DCLK2: variants seen among roughly 807,000 people sequenced by gnomAD.
DCLK2 encodes the protein doublecortin like kinase 2.
A neutral mutation model predicts 78.4 loss-of-function variants in DCLK2; 31 were observed. The ratio of observed to expected loss-of-function variants is 0.40; its 90% CI spans 0.30 to 0.53. The LOEUF is 0.53. Ranked by LOEUF, DCLK2 falls within the 20% of genes least tolerant of loss-of-function variation. DCLK2 has a pLI of 0.61. For synonymous variants in DCLK2, 407 were observed against 374.9 expected (o/e 1.09, Z -0.99); for missense variants, 872 against 973.7 (o/e 0.90, Z 1.39).
intron 2 of DCLK2, among the ~76,000 whole-genome samples, chr4:150,106,879 A>G (rs1389897875): frequency 6.6e-6 from 1 of 152,212 alleles, no homozygotes; most frequent in Admixed American, 6.5e-5. Context: ...AACTAACTAA[A>G]TTTTATGTCT....
chr4:150,102,930 C>A, intron 2 of DCLK2, 118 bp downstream of exon 2: 1 of 968,634 alleles, frequency 1.0e-6, no homozygotes, highest in Non-Finnish European at 1.5e-6. Flanking sequence ...GGGAGTCATA[C>A]TTGAGATTGT....
intron 10 of DCLK2, among the ~76,000 whole-genome samples, chr4:150,237,783 C>T (rs961544607): frequency 1.3e-5 from 2 of 152,122 alleles, no homozygotes; most frequent in South Asian, 2.1e-4. Context: ...ATAGTGGTTG[C>T]GATAAATATC....
At chr4:150,149,095 A>T (rs1163191382) in intron 2 of DCLK2, among the ~76,000 whole-genome samples, 1 of 151,030 alleles carries the variant, frequency 6.6e-6, no homozygotes, top group Admixed American at 6.6e-5. Context: ...AAGAAAAGAA[A>T]AGAAAGAAAG....
chr4:150,174,217 C>T (rs149983838), intron 2 of DCLK2, among the ~76,000 whole-genome samples: 29 of 152,268 alleles, frequency 1.9e-4, no homozygotes, highest in Non-Finnish European at 2.9e-4. Context: ...CTTTGATGTA[C>T]GTAGCACTTC....
intron 14 of DCLK2, 137 bp from the exon 15 acceptor site, chr4:150,249,431 A>C: frequency 1.4e-6 from 1 of 701,106 alleles, no homozygotes; most frequent in Non-Finnish European, 2.6e-6. Context: ...TTGTTTCCCT[A>C]ATTCTGTGGC....
At chr4:150,140,525 T>G (rs1476024356) in intron 2 of DCLK2, among the ~76,000 whole-genome samples, 2 of 152,200 alleles carry the variant, frequency 1.3e-5, no homozygotes, top group African/African-American at 4.8e-5. Flanking sequence ...ACACACTGCT[T>G]GGAAGAAATG....
At chr4:150,209,816 C>T (rs1214950109) in intron 5 of DCLK2, 1 of 152,480 alleles carries the variant, frequency 6.6e-6, no homozygotes, top group African/African-American at 2.4e-5. Flanking sequence ...TGGCTCATGC[C>T]TGTGATCCCA....
intron 2 of DCLK2, among the ~76,000 whole-genome samples, chr4:150,178,231 A>C (rs537266667): frequency 6.6e-6 from 1 of 152,360 alleles, no homozygotes; most frequent in African/African-American, 2.4e-5. Context: ...ATAATGAACT[A>C]TCTTGCTTTG....
chr4:150,158,045 C>T (rs758348781), intron 2 of DCLK2, among the ~76,000 whole-genome samples: 5 of 152,126 alleles, frequency 3.3e-5, no homozygotes, highest in Non-Finnish European at 4.4e-5. Flanking sequence ...TTGCTAAGGC[C>T]ACCATAATAA....
intron 2 of DCLK2, among the ~76,000 whole-genome samples, chr4:150,130,567 G>A (rs1404096065): frequency 2.6e-5 from 4 of 152,122 alleles, no homozygotes; most frequent in Non-Finnish European, 5.9e-5. Flanking sequence ...TAGGAAATAA[G>A]CTGGGAGAAA....
chr4:150,107,242 G>C (rs1399008267), intron 2 of DCLK2, among the ~76,000 whole-genome samples: 2 of 152,102 alleles, frequency 1.3e-5, no homozygotes, highest in Non-Finnish European at 2.9e-5. Context: ...TATTAACTGT[G>C]TTATTAGGCC....
At chr4:150,254,924 C>T (rs1049824939) in intron 15 of DCLK2, among the ~76,000 whole-genome samples, 2 of 152,140 alleles carry the variant, frequency 1.3e-5, no homozygotes, top group African/African-American at 4.8e-5. Context: ...GTGATCCTCC[C>T]TCCTTGGCCT....
chr4:150,172,859 C>T (rs1172648590), intron 2 of DCLK2, among the ~76,000 whole-genome samples: 1 of 150,716 alleles, frequency 6.6e-6, no homozygotes, highest in African/African-American at 2.4e-5. Context: ...TCTACCCTTT[C>T]CTTGTCGTAG....
rs959977504 is a variant in DCLK2, at chr4:150,079,430, C to T, written c.403C>T (p.Leu135=). The T allele has an allele frequency of 1.3e-6, 2 of 1,530,862 alleles. No individual in the cohort carries two copies. Among genetic ancestry groups the T allele is most frequent in the East Asian group, 2.4e-5 (1 of 41,140 alleles). The allele number at this position is 1,530,862 out of a possible 1,614,324, so 94.8% of individuals were successfully genotyped here. A position where few individuals can be genotyped will look rare whatever the true frequency, so the allele number is the denominator to read the frequency against. The part of the protein sequence containing the change: ...TIDGSRKVTS[L]DELLEGESYV... ...CGACGGCAGCCGGAAGGTCACCAGCCTGGACGAGCTGCTGGAAGGTAGGAG... is the reference window on the plus strand; with the variant it reads ...CGACGGCAGCCGGAAGGTCACCAGCTTGGACGAGCTGCTGGAAGGTAGGAG... Residue 135 remains leucine (L), a synonymous_variant, in exon 1 of 16, where the codon CTG becomes TTG. Coordinates refer to ENST00000296550, the MANE Select transcript of DCLK2 (RefSeq NM_001040260.4).
In DCLK2 at chr4:150,252,411, GC is replaced by G. The variant is rs1744241194; in HGVS notation, c.2073+2728del. Reference sequence around the variant, plus strand: ...AACCTTTAACCGCCCTGTGCCCAGGGCTTAGGAGAGTTTGCTCGGAGACTGT... The same window carrying G: ...AACCTTTAACCGCCCTGTGCCCAGGGTTAGGAGAGTTTGCTCGGAGACTGT... On this transcript the variant is annotated intron_variant, in intron 15 of 15. Transcript: ENST00000296550. Among the ~76,000 whole-genome samples, 4 of 152,342 alleles carry G rather than the reference GC, an allele frequency of 2.6e-5. No individual in the cohort carries two copies. The South Asian group carries it at 8.3e-4, about 32-fold the overall frequency.
chr4:150,106,737 A>G (rs1731282890), intron 2 of DCLK2, among the ~76,000 whole-genome samples: 1 of 152,196 alleles, frequency 6.6e-6, no homozygotes, highest in Admixed American at 6.5e-5. Flanking sequence ...TGAAGACATG[A>G]TGGTGTGTCA....
chr4:150,105,048 T>A (rs1163457197), intron 2 of DCLK2, among the ~76,000 whole-genome samples: 1 of 152,122 alleles, frequency 6.6e-6, no homozygotes, highest in Non-Finnish European at 1.5e-5. Flanking sequence ...AAATAATAAT[T>A]AATGGGCTTT....
chr4:150,193,341 C>T, intron 3 of DCLK2, 101 bp downstream of exon 3: 1 of 658,180 alleles, frequency 1.5e-6, no homozygotes, highest in Non-Finnish European at 2.6e-6. Context: ...AGAAGTCTGA[C>T]ATGTTGAGGA....
chr4:150,107,904 G>C (rs988763157), intron 2 of DCLK2, among the ~76,000 whole-genome samples: 1 of 152,044 alleles, frequency 6.6e-6, no homozygotes, highest in South Asian at 2.1e-4. Context: ...TCAGGAGTTC[G>C]AGGCTGCAGT....
Sources: allele counts gnomAD v4.1 joint callset (sites outside exome capture counted in the v4.1 genomes callset), GRCh38; gene constraint gnomAD v4.1.1; transcripts MANE v1.5; gene names NCBI Gene and HGNC (gene_info 2026-07-23, HGNC 2026-07-21).